DTNB: variants seen among roughly 807,000 people sequenced by gnomAD.
DTNB encodes the protein dystrobrevin beta.
Under a neutral mutation model 90.7 loss-of-function variants are expected in DTNB, and 63 were observed. The ratio of observed to expected loss-of-function variants is 0.69; its 90% CI spans 0.57 to 0.86. The LOEUF (loss-of-function observed/expected upper bound fraction) is 0.86, where lower values mean the gene tolerates loss of function less well. Among genes scored for constraint, DTNB ranks in the 40% least tolerant of loss-of-function variants. The pLI is 0.00. For missense variants in DTNB, 744 were observed against 807.1 expected, an observed-to-expected ratio of 0.92 and a Z score of 0.95; for synonymous variants, 277 against 286.7, an observed-to-expected ratio of 0.97 and a Z score of 0.34.
chr2:25,650,495 A>G (rs542469733), intron 2 of DTNB, among the ~76,000 whole-genome samples: 1 of 152,360 alleles, frequency 6.6e-6, no homozygotes, highest in South Asian at 2.1e-4. Context: ...GATCTGCAGG[A>G]AAGCCAATTC....
In DTNB at chr2:25,607,276, T is replaced by A. The variant is rs1179176186; in HGVS notation, c.408A>T (p.Leu136Phe). ...GCATTTTTCCACCACACATGGTTGC[T>A]AACATAGCTTTAACTGAAAATACCG... The part of the protein sequence containing the change: ...KLTVFSVKAM[L>F]ATMCGGKMLD... The change falls in exon 5 of 21, where the codon TTA becomes TTT. Residue 136 changes from leucine to phenylalanine, a missense_variant. By Grantham distance (22) the Leu-to-Phe change is conservative. Transcript: ENST00000406818. 2 of 1,608,028 alleles carry A rather than the reference T, an allele frequency of 1.2e-6. No individual in the cohort carries two copies. Among genetic ancestry groups the A allele is most frequent in the South Asian group, 1.1e-5 (1 of 89,444 alleles).
chr2:25,662,438 A>T (rs1433091346), intron 1 of DTNB, among the ~76,000 whole-genome samples: 1 of 152,182 alleles, frequency 6.6e-6, no homozygotes, highest in Non-Finnish European at 1.5e-5. Context: ...AAAAAATAAT[A>T]TTATTTCCAT....
chr2:25,459,450 A>G (rs2060587733), intron 10 of DTNB, among the ~76,000 whole-genome samples: 1 of 151,166 alleles, frequency 6.6e-6, no homozygotes, highest in Non-Finnish European at 1.5e-5. Flanking sequence ...TTTAGCTTTT[A>G]CTCTGATATG....
chr2:25,427,180 A>AACACACACACACACACAC (rs3041256), intron 15 of DTNB, among the ~76,000 whole-genome samples: 43 of 139,652 alleles, frequency 3.1e-4, no homozygotes, highest in African/African-American at 1.0e-3. Context: ...TCCATCTCAA[A>AACACACACACACACACAC]ACACACACAC....
intron 1 of DTNB, among the ~76,000 whole-genome samples, chr2:25,665,133 C>T (rs769077298): frequency 1.3e-5 from 2 of 152,212 alleles, no homozygotes; most frequent in South Asian, 4.1e-4. Flanking sequence ...GGAGAGAAGG[C>T]TTTGGAAGTG....
chr2:25,540,505 G>C (rs1264510969), intron 8 of DTNB, among the ~76,000 whole-genome samples: 2 of 151,950 alleles, frequency 1.3e-5, no homozygotes, highest in African/African-American at 4.8e-5. Flanking sequence ...TAGAGACAGG[G>C]TCTCGCTGTT....
chr2:25,460,881 T>C (rs932822178), intron 10 of DTNB, among the ~76,000 whole-genome samples: 1 of 149,562 alleles, frequency 6.7e-6, no homozygotes. Flanking sequence ...GAAAGGGAAC[T>C]GAGGCCAAGA....
intron 3 of DTNB, among the ~76,000 whole-genome samples, chr2:25,634,222 T>G (rs2148783688): frequency 1.1e-5 from 1 of 94,946 alleles, no homozygotes; most frequent in African/African-American, 3.7e-5. Flanking sequence ...AGCCGCCCTG[T>G]CCGGGAGGGA....
At position 25,390,388 on chromosome 2, in the gene DTNB, CAG is replaced by C. The variant is rs1382743218; in HGVS notation, c.1576-2029_1576-2028del. Among the ~76,000 whole-genome samples the C allele has an allele frequency of 2.6e-5, 4 of 151,952 alleles. No individual in the cohort carries two copies. The East Asian group carries it at 7.7e-4, about 29-fold the overall frequency. On this transcript the variant is annotated intron_variant, in intron 16 of 20. Transcript: ENST00000406818. Reference sequence around the variant, plus strand: ...CATGATATGTAAAAACAAAACCAAACAGATAAACTGGCTTTCATTGAAATTTT... The same window carrying C: ...CATGATATGTAAAAACAAAACCAAACATAAACTGGCTTTCATTGAAATTTT...
chr2:25,495,727 TAAACAAAC>T (rs1421570752), intron 9 of DTNB, among the ~76,000 whole-genome samples: 1 of 152,160 alleles, frequency 6.6e-6, no homozygotes, highest in Non-Finnish European at 1.5e-5. Context: ...GCAAGGAAGT[TAAACAAAC>T]AAGCAAAAAC....
intron 1 of DTNB, among the ~76,000 whole-genome samples, chr2:25,663,646 A>T (rs1250212326): frequency 6.6e-6 from 1 of 152,140 alleles, no homozygotes; most frequent in African/African-American, 2.4e-5. Context: ...ATATATTTCC[A>T]TATATTTTAT....
rs1407773647 is a variant in DTNB at position 25,605,503 on chromosome 2, C to T, written c.448+1733G>A. 2.0e-5 allele frequency among the ~76,000 whole-genome samples: 3 copies of T among 152,280 alleles called. No individual in the cohort carries two copies. The East Asian group carries it at 5.8e-4, about 29-fold the overall frequency. On this transcript the variant is annotated intron_variant, in intron 5 of 20. Transcript: ENST00000406818. ...TGCGCCTTTTCACTAACAGTTATAA[C>T]GCAGAACTGGAGTAATTTTATTATT...
chr2:25,589,376 T>C (rs1293703080), intron 6 of DTNB, among the ~76,000 whole-genome samples: 5 of 107,918 alleles, frequency 4.6e-5, no homozygotes, highest in South Asian at 3.5e-4. Context: ...TCTTTTTTTT[T>C]TTTTTTTTTT....
At chr2:25,433,863 G>T in intron 13 of DTNB, 47 bp downstream of exon 13, 2 of 1,596,416 alleles carry the variant, frequency 1.3e-6, no homozygotes, top group Non-Finnish European at 1.7e-6. Context: ...AGATACGCAC[G>T]TGATAATCCT....
At chr2:25,545,794 G>T (rs141587034) in intron 8 of DTNB, among the ~76,000 whole-genome samples, 1 of 152,298 alleles carries the variant, frequency 6.6e-6, no homozygotes, top group Middle Eastern at 3.4e-3. Flanking sequence ...GCTAATTTCT[G>T]TATTTTTAGT....
At chr2:25,606,345 G>A (rs990237765) in intron 5 of DTNB, among the ~76,000 whole-genome samples, 3 of 152,124 alleles carry the variant, frequency 2.0e-5, no homozygotes, top group African/African-American at 7.2e-5. Flanking sequence ...ACTGCTTTAT[G>A]GCACTCTGAA....
At chr2:25,410,764 C>T (rs1242368675) in intron 16 of DTNB, among the ~76,000 whole-genome samples, 1 of 152,060 alleles carries the variant, frequency 6.6e-6, no homozygotes, top group Admixed American at 6.6e-5. Context: ...CTTCATGTTC[C>T]TGGAATGTGC....
intron 6 of DTNB, among the ~76,000 whole-genome samples, chr2:25,582,086 A>G (rs1432518794): frequency 6.6e-6 from 1 of 152,210 alleles, no homozygotes; most frequent in Non-Finnish European, 1.5e-5. Flanking sequence ...TGTTTAAATC[A>G]TTTATTTCAA....
At chr2:25,412,269 G>T (rs2046800653) in intron 16 of DTNB, among the ~76,000 whole-genome samples, 1 of 152,110 alleles carries the variant, frequency 6.6e-6, no homozygotes, top group South Asian at 2.1e-4. Context: ...TGCTCTCTTT[G>T]GTATAGCTGT....
Sources: gnomAD v4.1 joint callset for allele counts (sites outside exome capture counted in the v4.1 genomes callset) on GRCh38, gnomAD v4.1.1 for gene constraint, MANE v1.5 for transcripts, NCBI Gene and HGNC (gene_info 2026-07-23, HGNC 2026-07-21) for gene names.